NRCAM: variants seen among roughly 807,000 people sequenced by gnomAD.
NRCAM encodes neuronal cell adhesion molecule, also known as NgCAM-related cell adhesion molecule.
Under a neutral mutation model 156.5 loss-of-function variants are expected in NRCAM, and 83 were observed. That is an observed-to-expected ratio of 0.53 (90% confidence interval 0.44 to 0.64). The LOEUF (loss-of-function observed/expected upper bound fraction) is 0.64. NRCAM is among the 30% of genes least tolerant of loss of function. The probability of loss-of-function intolerance (pLI) is 0.00; values close to 1 mark genes in which losing one functional copy is unlikely to be tolerated. For synonymous variants in NRCAM, 538 were observed against 563.9 expected (o/e 0.95, Z 0.65); for missense variants, 1,417 against 1,597.3 (o/e 0.89, Z 1.92).
In NRCAM at chr7:108,207,582, T is replaced by G; in HGVS notation, c.1153A>C (p.Asn385His). Residue 385 changes from asparagine to histidine, a missense_variant, in exon 13 of 33, where the codon AAT becomes CAT. Coordinates refer to ENST00000379028, the MANE Select transcript of NRCAM (RefSeq NM_001037132.4). Reference protein sequence around the residue: ...GEDGTLICRANGNPKPRISWL... With the variant: ...GEDGTLICRAHGNPKPRISWL... The stretch of plus-strand genomic sequence containing the variant: ...CTAATTCTGGGTTTGGGGTTGCCAT[T>G]AGCTCTGCAGATCAAGGTCCCATCC... 6.2e-7 allele frequency: 1 copy of G among 1,614,022 alleles called. No individual in the cohort carries two copies. The highest frequency in any genetic ancestry group is 8.5e-7 in the Non-Finnish European group (1 of 1,179,904).
chr7:108,198,992 A>G (rs977255332), intron 13 of NRCAM, among the ~76,000 whole-genome samples: 25 of 152,212 alleles, frequency 1.6e-4, no homozygotes, highest in Admixed American at 2.6e-4. Context: ...TGTGAACGAT[A>G]CACTTTAGGC....
chr7:108,171,663 C>T (rs960502551), intron 28 of NRCAM, among the ~76,000 whole-genome samples: 2 of 152,270 alleles, frequency 1.3e-5, no homozygotes, highest in African/African-American at 4.8e-5. Context: ...ATTCAGATAA[C>T]ATTTTGCTCC....
chr7:108,218,572 A>G (rs116234635), intron 11 of NRCAM, among the ~76,000 whole-genome samples: 2,177 of 152,292 alleles, frequency 0.014, 42 homozygotes, highest in African/African-American at 0.045. Context: ...AAAGCCATGC[A>G]AAAACACGGA....
intron 3 of NRCAM, among the ~76,000 whole-genome samples, chr7:108,280,486 C>T (rs1236778751): frequency 6.6e-6 from 1 of 152,200 alleles, no homozygotes; most frequent in African/African-American, 2.4e-5. Flanking sequence ...ACTGAACTCA[C>T]AGAATGGTAA....
rs1169444702 is a variant in NRCAM, at chr7:108,166,982, T to C, written c.3405A>G (p.Arg1135=). The C allele has an allele frequency of 1.2e-6, 2 of 1,613,808 alleles. No homozygotes were observed. Among genetic ancestry groups the C allele is most frequent in the Admixed American group, 1.7e-5 (1 of 59,996 alleles). The change falls in exon 30 of 33, where the codon CGA becomes CGG. Residue 1135 remains arginine, a synonymous_variant. Transcript: ENST00000379028. ...AACCAGAGTCCCCCACAGCACCAAC[T>C]CGAACTTTGTATGCTGTTCCTGGCA... ...GLMPGTAYKV[R]VGAVGDSGFV...
intron 13 of NRCAM, among the ~76,000 whole-genome samples, chr7:108,200,778 ACACACACT>A (rs2077558275): frequency 1.4e-5 from 2 of 141,330 alleles, no homozygotes; most frequent in African/African-American, 5.5e-5. Context: ...ACACACACAC[ACACACACT>A]ATGAAATACT....
At chr7:108,250,520 C>G (rs928916539) in intron 3 of NRCAM, among the ~76,000 whole-genome samples, 1 of 150,126 alleles carries the variant, frequency 6.7e-6, no homozygotes, top group African/African-American at 2.4e-5. Flanking sequence ...ATCACATGTT[C>G]TCACTTATTT....
At chr7:108,199,378 G>A (rs1165047663) in intron 13 of NRCAM, among the ~76,000 whole-genome samples, 2 of 152,190 alleles carry the variant, frequency 1.3e-5, no homozygotes, top group African/African-American at 4.8e-5. Flanking sequence ...TTCCACGGTT[G>A]CTGTAACAAC....
intron 2 of NRCAM, among the ~76,000 whole-genome samples, chr7:108,383,681 T>A (rs2099714027): frequency 6.6e-6 from 1 of 152,230 alleles, no homozygotes. Flanking sequence ...AAATGTTTCT[T>A]TTTAATAAAG....
chr7:108,255,608 C>T (rs1169080788), intron 3 of NRCAM, among the ~76,000 whole-genome samples: 10 of 150,120 alleles, frequency 6.7e-5, no homozygotes, highest in Admixed American at 2.0e-4. Context: ...AAGTGAGGAG[C>T]GTCTCTGCCT....
intron 2 of NRCAM, among the ~76,000 whole-genome samples, chr7:108,339,744 G>C (rs1033855426): frequency 6.6e-6 from 1 of 152,152 alleles, no homozygotes; most frequent in East Asian, 1.9e-4. Flanking sequence ...GACGCTCTAC[G>C]ACTAATGCTC....
At chr7:108,333,858 A>G (rs2099151623) in intron 2 of NRCAM, among the ~76,000 whole-genome samples, 1 of 152,174 alleles carries the variant, frequency 6.6e-6, no homozygotes, top group Non-Finnish European at 1.5e-5. Flanking sequence ...TTCTTAGACA[A>G]CACTATGGGA....
chr7:108,307,644 G>A (rs1041588291), intron 3 of NRCAM, among the ~76,000 whole-genome samples: 7 of 150,938 alleles, frequency 4.6e-5, no homozygotes, highest in African/African-American at 1.5e-4. Context: ...AATGAATGCT[G>A]TCATGAAAGG....
chr7:108,180,113 A>T, intron 25 of NRCAM, 110 bp downstream of exon 25: 1 of 859,122 alleles, frequency 1.2e-6, no homozygotes, highest in South Asian at 1.7e-5. Flanking sequence ...AGAAATTTCA[A>T]TCACATTTGG....
chr7:108,387,904 C>T (rs2099746367), intron 2 of NRCAM, among the ~76,000 whole-genome samples: 1 of 152,274 alleles, frequency 6.6e-6, no homozygotes, highest in East Asian at 1.9e-4. Context: ...TTTTTTATGG[C>T]TGCATAGTAT....
At position 108,400,803 on chromosome 7, in the gene NRCAM, T is replaced by C. The variant is rs908813255; in HGVS notation, c.-331-1210A>G. Reference sequence around the variant, plus strand: ...AGCGTGAGAATGGGGTCAGGTCTTCTAGGGAGGAGAAAGCCAGATGGATCA... The same window carrying C: ...AGCGTGAGAATGGGGTCAGGTCTTCCAGGGAGGAGAAAGCCAGATGGATCA... On this transcript the variant is annotated intron_variant, in intron 1 of 32. Coordinates refer to ENST00000379028, the MANE Select transcript of NRCAM (RefSeq NM_001037132.4). Among the ~76,000 whole-genome samples the C allele has an allele frequency of 2.0e-5, 3 of 152,034 alleles. 1 individual carries two copies. Among genetic ancestry groups the C allele is most frequent in the African/African-American group, 2.4e-5 (1 of 41,384 alleles).
At chr7:108,346,370 T>C (rs1457516794) in intron 2 of NRCAM, among the ~76,000 whole-genome samples, 2 of 152,216 alleles carry the variant, frequency 1.3e-5, no homozygotes, top group East Asian at 3.8e-4. Flanking sequence ...CTTTTTTACA[T>C]GTTAAAATGT....
intron 2 of NRCAM, 107 bp downstream of exon 2, chr7:108,399,329 T>A (rs1219756384): frequency 6.6e-6 from 1 of 152,182 alleles, no homozygotes; most frequent in Admixed American, 6.5e-5. Flanking sequence ...TATAAAAAAT[T>A]TTCAATAACC....
At chr7:108,351,151 A>G (rs1020886166) in intron 2 of NRCAM, among the ~76,000 whole-genome samples, 4 of 152,142 alleles carry the variant, frequency 2.6e-5, no homozygotes, top group African/African-American at 4.8e-5. Context: ...TAGTGATATT[A>G]TCTTGGGAGT....
Sources: allele counts gnomAD v4.1 joint callset (sites outside exome capture counted in the v4.1 genomes callset), GRCh38; gene constraint gnomAD v4.1.1; transcripts MANE v1.5; gene names NCBI Gene and HGNC (gene_info 2026-07-23, HGNC 2026-07-21).